DGKB: variants seen among roughly 807,000 people sequenced by gnomAD.
DGKB encodes the protein 90 kDa diacylglycerol kinase.
In DGKB, 67 loss-of-function variants were observed where a neutral mutation model predicts 114.3. The observed-to-expected ratio is 0.59, with a 90% confidence interval of 0.48 to 0.72. The LOEUF is 0.72. DGKB is among the 30% of genes least tolerant of loss of function. DGKB has a pLI of 0.00. For synonymous variants in DGKB, 398 were observed against 323.1 expected, an observed-to-expected ratio of 1.23 and a Z score of -2.49; for missense variants, 907 against 975.2, an observed-to-expected ratio of 0.93 and a Z score of 0.93.
chr7:14,683,496 G>GTA (rs1821178854), intron 10 of DGKB, among the ~76,000 whole-genome samples: 4 of 152,108 alleles, frequency 2.6e-5, no homozygotes, highest in South Asian at 4.1e-4. Context: ...ATGTATCTAT[G>GTA]TATATATATA....
intron 13 of DGKB, among the ~76,000 whole-genome samples, chr7:14,653,513 G>C (rs1297009596): frequency 6.6e-6 from 1 of 152,020 alleles, no homozygotes; most frequent in African/African-American, 2.4e-5. Context: ...TGTGGGGTGG[G>C]GGTAGGGGGG....
intron 20 of DGKB, among the ~76,000 whole-genome samples, chr7:14,536,848 C>A (rs56045350): frequency 0.41 from 53,605 of 131,474 alleles, 9,975 homozygotes; most frequent in Admixed American, 0.49. Context: ...AGGAAAAAAA[C>A]AACAACAAGG....
intron 5 of DGKB, among the ~76,000 whole-genome samples, chr7:14,727,337 T>C (rs555652602): frequency 1.3e-5 from 2 of 152,234 alleles, no homozygotes; most frequent in Non-Finnish European, 2.9e-5. Context: ...AGAGAAATCA[T>C]CCCTTACTGG....
intron 21 of DGKB, among the ~76,000 whole-genome samples, chr7:14,377,159 T>C (rs1346299318): frequency 1.3e-5 from 2 of 152,128 alleles, no homozygotes; most frequent in African/African-American, 4.8e-5. Flanking sequence ...TCTCAAGGGA[T>C]TTTTTCCTCT....
intron 6 of DGKB, among the ~76,000 whole-genome samples, chr7:14,710,583 G>A (rs949695765): frequency 6.6e-6 from 1 of 152,044 alleles, no homozygotes; most frequent in African/African-American, 2.4e-5. Context: ...ATATCAATGA[G>A]AGAAACTTCA....
At chr7:14,184,168 C>G (rs1783052623) in intron 23 of DGKB, among the ~76,000 whole-genome samples, 1 of 152,142 alleles carries the variant, frequency 6.6e-6, no homozygotes, top group African/African-American at 2.4e-5. Context: ...GCCGTTCCTG[C>G]CTGGCACCAT....
chr7:14,231,905 T>TCC (rs1241404846), intron 23 of DGKB, among the ~76,000 whole-genome samples: 2 of 152,008 alleles, frequency 1.3e-5, no homozygotes, highest in Non-Finnish European at 2.9e-5. Context: ...CCCAAAGTAA[T>TCC]CAAGTCTTCT....
intron 13 of DGKB, among the ~76,000 whole-genome samples, chr7:14,649,645 C>G (rs1399886760): frequency 6.7e-6 from 1 of 149,366 alleles, no homozygotes; most frequent in Non-Finnish European, 1.5e-5. Context: ...ACACATAACA[C>G]TATTAACTTT....
At chr7:14,171,390 A>T (rs894238098) in intron 25 of DGKB, among the ~76,000 whole-genome samples, 1 of 152,150 alleles carries the variant, frequency 6.6e-6, no homozygotes, top group Admixed American at 6.5e-5. Flanking sequence ...TAAACAAAAT[A>T]CCCAGAGTAA....
chr7:14,831,680 A>C (rs547104010), intron 2 of DGKB, among the ~76,000 whole-genome samples: 1 of 152,200 alleles, frequency 6.6e-6, no homozygotes, highest in African/African-American at 2.4e-5. Flanking sequence ...CAGGAGTCTC[A>C]TGTCTTCTCC....
upstream of DGKB, chr7:14,903,238 T>TGTGTGTGTGTGC (rs1259279763): frequency 6.5e-6 from 1 of 154,124 alleles, no homozygotes; most frequent in Non-Finnish European, 1.4e-5. Context: ...TGTGTGTGTG[T>TGTGTGTGTGTGC]GTGTGTGTGT....
intron 4 of DGKB, among the ~76,000 whole-genome samples, chr7:14,746,327 C>G (rs186449599): frequency 6.6e-6 from 1 of 151,568 alleles, no homozygotes; most frequent in Admixed American, 6.6e-5. Context: ...GAGTGAGACT[C>G]CATATACAAA....
At chr7:14,283,088 T>C (rs1433283517) in intron 23 of DGKB, among the ~76,000 whole-genome samples, 2 of 151,662 alleles carry the variant, frequency 1.3e-5, no homozygotes, top group Non-Finnish European at 2.9e-5. Flanking sequence ...TGTTTGCAGA[T>C]GACATGATTA....
intron 1 of DGKB, among the ~76,000 whole-genome samples, chr7:14,952,299 T>G (rs1485187112): frequency 6.6e-6 from 1 of 152,006 alleles, no homozygotes; most frequent in Non-Finnish European, 1.5e-5. Flanking sequence ...AAATCTCTGT[T>G]GCCCAAGCCA....
At chr7:14,748,280 C>T (rs1833644234) in intron 4 of DGKB, among the ~76,000 whole-genome samples, 2 of 151,952 alleles carry the variant, frequency 1.3e-5, no homozygotes, top group Non-Finnish European at 2.9e-5. Context: ...GCTCAATCTA[C>T]AATGTCTAAT....
At chr7:14,784,671 C>A (rs1469894046) in intron 2 of DGKB, among the ~76,000 whole-genome samples, 3 of 152,114 alleles carry the variant, frequency 2.0e-5, no homozygotes, top group African/African-American at 7.2e-5. Context: ...GCTGCCGCAC[C>A]CAGTTTATAT....
intron 21 of DGKB, among the ~76,000 whole-genome samples, chr7:14,472,776 A>C (rs1781605587): frequency 6.6e-6 from 1 of 152,154 alleles, no homozygotes; most frequent in Non-Finnish European, 1.5e-5. Flanking sequence ...CTGGTTGGGA[A>C]CTGGAGCAAA....
At chr7:14,650,743 C>A (rs971033210) in intron 13 of DGKB, among the ~76,000 whole-genome samples, 1 of 130,886 alleles carries the variant, frequency 7.6e-6, no homozygotes, top group Non-Finnish European at 1.6e-5. Flanking sequence ...AATTGATAGA[C>A]CGCTAGCAAG....
chr7:14,176,837 A>C lies in DGKB; in HGVS notation c.2304+2T>G. On this transcript the variant is annotated splice_donor_variant, in intron 25 of 25. Transcript: ENST00000402815. LOFTEE classifies it high-confidence loss of function. ...ATAGCATATCAACTACTCTGTACTC[A>C]CTGTGCATGGGGTCTGCATCCATGG... is the stretch of plus-strand genomic sequence containing the variant. 1 of 1,613,808 alleles carries C rather than the reference A, an allele frequency of 6.2e-7. No homozygotes were observed. The highest frequency in any genetic ancestry group is 2.2e-5 in the East Asian group (1 of 44,860).
Sources: gnomAD v4.1 joint callset for allele counts (sites outside exome capture counted in the v4.1 genomes callset) on GRCh38, gnomAD v4.1.1 for gene constraint, MANE v1.5 for transcripts, NCBI Gene and HGNC (gene_info 2026-07-23, HGNC 2026-07-21) for gene names.